PCCA: variants seen among roughly 807,000 people sequenced by gnomAD.
The protein encoded by PCCA is propionyl-CoA carboxylase alpha chain, mitochondrial.
A neutral mutation model predicts 101.3 loss-of-function variants in PCCA; 74 were observed. The ratio of observed to expected loss-of-function variants is 0.73; its 90% confidence interval spans 0.61 to 0.89. The LOEUF (loss-of-function observed/expected upper bound fraction) is 0.89, where lower values mean the gene tolerates loss of function less well. Among genes scored for constraint, PCCA ranks in the 40% least tolerant of loss-of-function variants. PCCA has a pLI of 0.00. For missense variants in PCCA, 891 were observed against 907.0 expected (o/e 0.98, Z 0.23); for synonymous variants, 294 against 313.6 (o/e 0.94, Z 0.66).
At chr13:100,234,901 ACACACACACACACCC>A (rs2060697244) in intron 7 of PCCA, among the ~76,000 whole-genome samples, 1 of 151,816 alleles carries the variant, frequency 6.6e-6, no homozygotes, top group South Asian at 2.1e-4. Flanking sequence ...AAACACACAC[ACACACACACACACCC>A]CACACATACC....
chr13:100,155,059 C>T lies in PCCA; in HGVS notation c.381C>T (p.Ile127=). The T allele has an allele frequency of 1.2e-6, 2 of 1,613,652 alleles. No homozygotes were observed. Among genetic ancestry groups the T allele is most frequent in the Non-Finnish European group, 8.5e-7 (1 of 1,179,666 alleles). The part of the protein sequence containing the change: ...TSKSYLNMDA[I]MEAIKKTRAQ... ...AAAGCTACCTCAACATGGATGCCAT[C>T]ATGGAAGCCATTAAGAAAACCAGGG... The change falls in exon 5 of 24, where the codon ATC becomes ATT. Residue 127 remains isoleucine (I), a synonymous_variant. Coordinates refer to ENST00000376285, the MANE Select transcript of PCCA (RefSeq NM_000282.4).
intron 17 of PCCA, among the ~76,000 whole-genome samples, chr13:100,337,904 A>C (rs777956666): frequency 8.1e-4 from 124 of 152,230 alleles, no homozygotes; most frequent in Non-Finnish European, 1.5e-4. Flanking sequence ...ATAAACACAC[A>C]CAACATTTTC....
chr13:100,254,083 G>A (rs920809162), intron 8 of PCCA, among the ~76,000 whole-genome samples: 2 of 152,080 alleles, frequency 1.3e-5, no homozygotes, highest in African/African-American at 2.4e-5. Flanking sequence ...TAAGAGCAAA[G>A]TCATGTCTTA....
At chr13:100,278,694 G>T (rs913182457) in intron 12 of PCCA, among the ~76,000 whole-genome samples, 1 of 152,088 alleles carries the variant, frequency 6.6e-6, no homozygotes, top group African/African-American at 2.4e-5. Context: ...TGACCAGGAT[G>T]GTCTCAGTTT....
At chr13:100,527,591 A>C (rs2087951931) in intron 22 of PCCA, 84 bp from the exon 23 acceptor site, 1 of 930,722 alleles carries the variant, frequency 1.1e-6, no homozygotes, top group Non-Finnish European at 1.8e-6. Flanking sequence ...GGCATTTGAC[A>C]AAGAATTTCT....
At chr13:100,431,842 G>T (rs1235835681) in intron 20 of PCCA, among the ~76,000 whole-genome samples, 7 of 151,346 alleles carry the variant, frequency 4.6e-5, no homozygotes, top group Non-Finnish European at 1.0e-4. Context: ...CTCCAGCCTG[G>T]GTGACAGAGT....
chr13:100,171,837 C>A (rs2152415987), intron 6 of PCCA, among the ~76,000 whole-genome samples: 1 of 152,138 alleles, frequency 6.6e-6, no homozygotes, highest in African/African-American at 2.4e-5. Context: ...TGGAGACCAT[C>A]CTGGCTAACA....
At chr13:100,361,545 G>T (rs1216649796) in intron 18 of PCCA, among the ~76,000 whole-genome samples, 1 of 151,594 alleles carries the variant, frequency 6.6e-6, no homozygotes, top group Admixed American at 6.6e-5. Flanking sequence ...TCTGACAAAG[G>T]CCTTGTATCC....
intron 18 of PCCA, among the ~76,000 whole-genome samples, chr13:100,366,152 G>A (rs2075138907): frequency 6.6e-6 from 1 of 152,186 alleles, no homozygotes; most frequent in African/African-American, 2.4e-5. Flanking sequence ...AGAAAGCCAA[G>A]TTGCACGGTC....
At chr13:100,508,234 C>T (rs1048413919) in intron 21 of PCCA, among the ~76,000 whole-genome samples, 12 of 152,150 alleles carry the variant, frequency 7.9e-5, no homozygotes, top group African/African-American at 2.9e-4. Flanking sequence ...GAAACCCTCC[C>T]CATTTTTGCA....
intron 4 of PCCA, among the ~76,000 whole-genome samples, chr13:100,138,638 A>G (rs779602154): frequency 6.6e-6 from 1 of 152,028 alleles, no homozygotes; most frequent in Non-Finnish European, 1.5e-5. Flanking sequence ...GTTTTCCTTT[A>G]TTTGAAAATG....
intron 19 of PCCA, among the ~76,000 whole-genome samples, chr13:100,418,773 G>T (rs769787180): frequency 6.6e-6 from 1 of 151,372 alleles, no homozygotes; most frequent in African/African-American, 2.4e-5. Flanking sequence ...AGTGGAGGTT[G>T]TAGTGAGCCA....
intron 21 of PCCA, among the ~76,000 whole-genome samples, chr13:100,488,917 A>G (rs1354315050): frequency 3.3e-5 from 5 of 152,018 alleles, no homozygotes; most frequent in Admixed American, 2.0e-4. Context: ...CACATTAGCT[A>G]TTAACATGCC....
intron 14 of PCCA, among the ~76,000 whole-genome samples, chr13:100,305,211 T>TTA (rs774020882): frequency 6.6e-6 from 1 of 152,182 alleles, no homozygotes; most frequent in Admixed American, 6.5e-5. Flanking sequence ...AGATACGTGT[T>TTA]TATATATATC....
At chr13:100,107,516 C>T (rs866280439) in intron 2 of PCCA, among the ~76,000 whole-genome samples, 14 of 151,678 alleles carry the variant, frequency 9.2e-5, no homozygotes, top group African/African-American at 2.4e-4. Flanking sequence ...AGCAAAACCC[C>T]GTCTCTTAAG....
rs1437714151 is a variant in PCCA at position 100,309,898 on chromosome 13, T to C, written c.1419T>C (p.Tyr473=). The C allele has an allele frequency of 6.2e-7, 1 of 1,608,994 alleles. No homozygotes were observed. The highest frequency in any genetic ancestry group is 1.1e-5 in the South Asian group (1 of 90,996). Residue 473 remains tyrosine (Y), a synonymous_variant, in exon 16 of 24, where the codon TAT becomes TAC. Coordinates refer to ENST00000376285, the MANE Select transcript of PCCA (RefSeq NM_000282.4). The part of the protein sequence containing the change: ...LKRMADALDN[Y]VIRGVTHNIA... ...GAATGGCAGATGCACTGGATAACTA[T>C]GTTATTCGAGGTAAAAACAAAGATT...
intron 4 of PCCA, among the ~76,000 whole-genome samples, chr13:100,131,263 G>A (rs1032145793): frequency 1.4e-4 from 22 of 152,170 alleles, no homozygotes; most frequent in Non-Finnish European, 2.5e-4. Flanking sequence ...TCTGTCAGAT[G>A]TTCCTTCGAA....
intron 21 of PCCA, among the ~76,000 whole-genome samples, chr13:100,452,273 G>C (rs951205884): frequency 6.7e-6 from 1 of 150,090 alleles, no homozygotes. Flanking sequence ...CTCTGTCTCT[G>C]TGTCCCCACG....
chr13:100,332,065 A>C (rs1473261926), intron 17 of PCCA, among the ~76,000 whole-genome samples: 1 of 151,512 alleles, frequency 6.6e-6, no homozygotes, highest in Non-Finnish European at 1.5e-5. Flanking sequence ...CAGCGTCCCA[A>C]GTAGTTGGGA....
Sources: allele counts gnomAD v4.1 joint callset (sites outside exome capture counted in the v4.1 genomes callset), GRCh38; gene constraint gnomAD v4.1.1; transcripts MANE v1.5; gene names NCBI Gene and HGNC (gene_info 2026-07-23, HGNC 2026-07-21).